ONECUT1: variants seen among roughly 807,000 people sequenced by gnomAD.
The protein encoded by ONECUT1 is one cut homeobox 1.
Under a neutral mutation model 25.6 loss-of-function variants are expected in ONECUT1, and 12 were observed. The ratio of observed to expected loss-of-function variants is 0.47; its 90% CI spans 0.30 to 0.76. ONECUT1 has a LOEUF of 0.76. Among genes scored for constraint, ONECUT1 ranks in the 30% least tolerant of loss-of-function variants. The pLI, the probability that ONECUT1 is intolerant of heterozygous loss-of-function variation, is 0.07. For missense variants in ONECUT1, 620 were observed against 651.2 expected, an observed-to-expected ratio of 0.95 and a Z score of 0.52; for synonymous variants, 285 against 270.2, an observed-to-expected ratio of 1.05 and a Z score of -0.54.
At chr15:52,785,497 G>T (rs918487715) in intron 1 of ONECUT1, among the ~76,000 whole-genome samples, 1 of 152,148 alleles carries the variant, frequency 6.6e-6, no homozygotes, top group African/African-American at 2.4e-5. Flanking sequence ...ACCCACCCCC[G>T]CCCGAACCTC....
intron 1 of ONECUT1, among the ~76,000 whole-genome samples, chr15:52,771,703 G>A (rs1339397418): frequency 1.3e-5 from 2 of 151,638 alleles, no homozygotes; most frequent in Non-Finnish European, 2.9e-5. Context: ...GTGGTGTTTG[G>A]TTACATGAGT....
At position 52,788,614 on chromosome 15, in the gene ONECUT1, T is replaced by C; in HGVS notation, c.1105+166A>G. 4 of 725,756 alleles carry C rather than the reference T, an allele frequency of 5.5e-6. No homozygotes were observed. The South Asian group carries it at 7.9e-5, about 14-fold the overall frequency. 45.0% of individuals were successfully genotyped at this position (725,756 alleles called of 1,614,324 possible). ...CTGAGCCCTGGAGTAGGCAATTTGCTCCCACAGCCCTGTGCTGGCCCTTCC... is the reference window on the plus strand; with the variant it reads ...CTGAGCCCTGGAGTAGGCAATTTGCCCCCACAGCCCTGTGCTGGCCCTTCC... On this transcript the variant is annotated intron_variant, in intron 1 of 1. Transcript: ENST00000305901. The surrounding 1 kb of genome is among the most constrained non-coding windows in gnomAD (Gnocchi z 4.3).
At chr15:52,758,617 C>T (rs1160051738) in intron 1 of ONECUT1, among the ~76,000 whole-genome samples, 1 of 152,160 alleles carries the variant, frequency 6.6e-6, no homozygotes, top group Non-Finnish European at 1.5e-5. Flanking sequence ...GCAAGCCATG[C>T]TCTTGGAGTC....
intron 1 of ONECUT1, among the ~76,000 whole-genome samples, chr15:52,764,021 T>C (rs1323353204): frequency 2.0e-5 from 3 of 152,210 alleles, no homozygotes; most frequent in African/African-American, 7.2e-5. Flanking sequence ...TAAAACATAG[T>C]ATATAGTAAC....
intron 1 of ONECUT1, among the ~76,000 whole-genome samples, chr15:52,783,025 A>C (rs1351089231): frequency 6.6e-6 from 1 of 152,246 alleles, no homozygotes; most frequent in Admixed American, 6.5e-5. Context: ...TCTTCTGATA[A>C]CTTGGGGTAG....
intron 1 of ONECUT1, chr15:52,780,464 T>A: frequency 3.5e-6 from 3 of 848,620 alleles, no homozygotes; most frequent in Non-Finnish European, 5.3e-6. Context: ...TCTTTCTGAG[T>A]CCTTAGTTAA....
rs57187579 is a variant in ONECUT1, at chr15:52,777,737, C to CACACACACACAAA, written c.1105+11042_1105+11043insTTTGTGTGTGTGT. ...ACACACACACACACACACACACACA[C>CACACACACACAAA]AAAAAAACATGTAAAGTTATTTGTT... On this transcript the variant is annotated intron_variant, in intron 1 of 1. Transcript: ENST00000305901. 1.7e-3 allele frequency among the ~76,000 whole-genome samples: 177 copies of CACACACACACAAA among 103,444 alleles called. 5 individuals are homozygous for CACACACACACAAA. The highest frequency in any genetic ancestry group is 7.6e-3 in the African/African-American group (171 of 22,576). The allele number at this position is 103,444 out of a possible 152,430, so 67.9% of individuals were successfully genotyped here.
chr15:52,783,426 C>T (rs2083853391), intron 1 of ONECUT1, among the ~76,000 whole-genome samples: 1 of 152,228 alleles, frequency 6.6e-6, no homozygotes, highest in Non-Finnish European at 1.5e-5. Flanking sequence ...TGTTTTCTTA[C>T]TATGACTTCC....
intron 1 of ONECUT1, among the ~76,000 whole-genome samples, chr15:52,766,100 G>T (rs776588528): frequency 6.6e-6 from 1 of 152,208 alleles, no homozygotes; most frequent in African/African-American, 2.4e-5. Context: ...AACATGCAGA[G>T]AGCAGACATT....
At chr15:52,762,666 G>T (rs2083712612) in intron 1 of ONECUT1, among the ~76,000 whole-genome samples, 1 of 152,220 alleles carries the variant, frequency 6.6e-6, no homozygotes, top group African/African-American at 2.4e-5. Context: ...TGGGGCAGGG[G>T]TATGTCTGCG....
At chr15:52,785,780 T>C (rs1430532429) in intron 1 of ONECUT1, 4 of 152,196 alleles carry the variant, frequency 2.6e-5, no homozygotes, top group East Asian at 1.9e-4. Context: ...GGAACATATA[T>C]TGATTTTTAA....
chr15:52,766,840 C>T (rs2083737323), intron 1 of ONECUT1, among the ~76,000 whole-genome samples: 1 of 152,202 alleles, frequency 6.6e-6, no homozygotes, highest in Non-Finnish European at 1.5e-5. Context: ...CTGTCCAGGA[C>T]AGAATCCTGC....
chr15:52,772,880 C>T (rs78397104), intron 1 of ONECUT1, among the ~76,000 whole-genome samples: 3,785 of 152,186 alleles, frequency 0.025, 128 homozygotes, highest in African/African-American at 0.082. Context: ...TATAATAAGA[C>T]GTGGCATGAG....
rs970931282 is a variant in ONECUT1, at chr15:52,790,017, G to C, written c.-133C>G. 23 of 1,202,728 alleles carry C rather than the reference G, an allele frequency of 1.9e-5. No individual in the cohort carries two copies. Among genetic ancestry groups the C allele is most frequent in the African/African-American group, 6.5e-5 (4 of 61,392 alleles). The allele number at this position is 1,202,728 out of a possible 1,614,324, so 74.5% of individuals were successfully genotyped here. On this transcript the variant is annotated 5_prime_UTR_variant, in exon 1 of 2. Coordinates refer to ENST00000305901, the MANE Select transcript of ONECUT1 (RefSeq NM_004498.4). ...TTCCTTCCTCTCACTGTGGGGCTCT[G>C]TCTCTCTCTCTCTCTCTCTCCGTGT...
At chr15:52,774,003 T>C (rs2083784065) in intron 1 of ONECUT1, among the ~76,000 whole-genome samples, 1 of 152,206 alleles carries the variant, frequency 6.6e-6, no homozygotes, top group Admixed American at 6.5e-5. Flanking sequence ...TTTTATTGTC[T>C]CCATTATTCT....
intron 1 of ONECUT1, among the ~76,000 whole-genome samples, chr15:52,775,590 T>C (rs548489305): frequency 5.4e-4 from 82 of 151,978 alleles, no homozygotes; most frequent in African/African-American, 2.0e-3. Context: ...GGGAATATGA[T>C]TGGGAGGAAA....
In ONECUT1 at chr15:52,784,743, A is replaced by T. The variant is rs988517011; in HGVS notation, c.1105+4037T>A. Among the ~76,000 whole-genome samples the T allele has an allele frequency of 1.3e-5, 2 of 152,228 alleles. No homozygotes were observed. Among genetic ancestry groups the T allele is most frequent in the Non-Finnish European group, 2.9e-5 (2 of 68,032 alleles). ...GGAGCGAGACCTTTTTTGGTTTTGC[A>T]GTCGGCTAGGTGTGTGTGTGTGAGG... On this transcript the variant is annotated intron_variant, in intron 1 of 1. Coordinates refer to ENST00000305901, the MANE Select transcript of ONECUT1 (RefSeq NM_004498.4). This position sits in a 1 kb window ranked among gnomAD's most constrained non-coding sequence, Gnocchi z 5.0.
In ONECUT1 at chr15:52,789,899, G is replaced by C; in HGVS notation, c.-15C>G. On this transcript the variant is annotated 5_prime_UTR_variant, in exon 1 of 2. Coordinates refer to ENST00000305901, the MANE Select transcript of ONECUT1 (RefSeq NM_004498.4). This position sits in a 1 kb window ranked among gnomAD's most constrained non-coding sequence, Gnocchi z 4.1. ...TGCGCGTTCATCGTGATCCGGGCGA[G>C]CAGGCGGCGGACACAACATCGATGT... 1 of 1,514,790 alleles carries C rather than the reference G, an allele frequency of 6.6e-7. No individual in the cohort carries two copies. The highest frequency in any genetic ancestry group is 8.7e-7 in the Non-Finnish European group (1 of 1,143,762). The allele number at this position is 1,514,790 out of a possible 1,614,324, so 93.8% of individuals were successfully genotyped here.
intron 1 of ONECUT1, among the ~76,000 whole-genome samples, chr15:52,785,204 C>T (rs2083866431): frequency 6.6e-6 from 1 of 152,258 alleles, no homozygotes; most frequent in Non-Finnish European, 1.5e-5. Context: ...TTTGAAATGT[C>T]ACCCCGGGAT....
Sources: allele counts gnomAD v4.1 joint callset (sites outside exome capture counted in the v4.1 genomes callset), GRCh38; gene constraint gnomAD v4.1.1; non-coding constraint Gnocchi (gnomAD v3.1); transcripts MANE v1.5; gene names NCBI Gene and HGNC (gene_info 2026-07-23, HGNC 2026-07-21).